The following CADM2 variants were observed in gnomAD, a reference collection of about 807,000 sequenced individuals.
CADM2 encodes cell adhesion molecule 2.
A neutral mutation model predicts 49.8 loss-of-function variants in CADM2; 12 were observed. The ratio of observed to expected loss-of-function variants is 0.24; its 90% CI spans 0.15 to 0.39. The LOEUF (loss-of-function observed/expected upper bound fraction) is 0.39, where lower values mean the gene tolerates loss of function less well. CADM2 is among the 10% of genes least tolerant of loss of function. The probability of loss-of-function intolerance (pLI) is 1.00; values close to 1 mark genes in which losing one functional copy is unlikely to be tolerated. For missense variants in CADM2, 378 were observed against 492.3 expected (o/e 0.77, Z 2.20); for synonymous variants, 214 against 175.4 (o/e 1.22, Z -1.74).
At chr3:85,802,526 A>T (rs1268654112) in intron 3 of CADM2, among the ~76,000 whole-genome samples, 1 of 152,054 alleles carries the variant, frequency 6.6e-6, no homozygotes, top group East Asian at 1.9e-4. Context: ...CTTTCTCCTG[A>T]TAATATAATA....
chr3:85,423,542 C>T (rs2107503205), intron 1 of CADM2, among the ~76,000 whole-genome samples: 1 of 152,260 alleles, frequency 6.6e-6, no homozygotes, highest in African/African-American at 2.4e-5. Flanking sequence ...AGATTCACCT[C>T]TGAAGCTATG....
At chr3:85,953,586 A>G (rs1439720939) in intron 7 of CADM2, among the ~76,000 whole-genome samples, 1 of 150,902 alleles carries the variant, frequency 6.6e-6, no homozygotes, top group Admixed American at 6.6e-5. Flanking sequence ...TAGGTGATGA[A>G]TCTTTCTGAT....
chr3:85,646,302 T>G (rs1046887808), intron 1 of CADM2, among the ~76,000 whole-genome samples: 1 of 152,000 alleles, frequency 6.6e-6, no homozygotes, highest in Non-Finnish European at 1.5e-5. Context: ...CACAATAAAT[T>G]TTTATGTTCT....
At chr3:85,911,729 A>C (rs1286555790) in intron 5 of CADM2, among the ~76,000 whole-genome samples, 1 of 152,146 alleles carries the variant, frequency 6.6e-6, no homozygotes, top group African/African-American at 2.4e-5. Context: ...AATTAAGATT[A>C]TGTTTTAGTA....
At chr3:85,590,563 G>C (rs1357879458) in intron 1 of CADM2, among the ~76,000 whole-genome samples, 1 of 151,840 alleles carries the variant, frequency 6.6e-6, no homozygotes, top group Non-Finnish European at 1.5e-5. Context: ...GTGACAGTAA[G>C]AAAATTAATT....
At chr3:85,113,822 A>T (rs937782124) in intron 1 of CADM2, among the ~76,000 whole-genome samples, 1 of 151,828 alleles carries the variant, frequency 6.6e-6, no homozygotes, top group Non-Finnish European at 1.5e-5. Context: ...TTTATAACTT[A>T]TGATAGTATA....
In CADM2 at chr3:84,994,410, G is replaced by A. The variant is rs75277443; in HGVS notation, c.61+34742G>A. Among the ~76,000 whole-genome samples, 89 of 152,106 alleles carry A rather than the reference G, an allele frequency of 5.9e-4. 1 individual carries two copies. In the East Asian group the frequency reaches 0.017, roughly 30 times the overall value. ...ATATTTATAGCAAACCTCAATATTT[G>A]CAAATCATACAGACAGCATGATTTA... On this transcript the variant is annotated intron_variant, in intron 1 of 9. Transcript: ENST00000383699.
chr3:85,233,212 C>T (rs1422885747), intron 1 of CADM2, among the ~76,000 whole-genome samples: 1 of 152,010 alleles, frequency 6.6e-6, no homozygotes, highest in Non-Finnish European at 1.5e-5. Context: ...GGTGAAAGAT[C>T]AGTAGTTGCC....
intron 8 of CADM2, among the ~76,000 whole-genome samples, chr3:86,024,965 A>G (rs1362104995): frequency 6.6e-6 from 1 of 151,384 alleles, no homozygotes; most frequent in African/African-American, 2.4e-5. Flanking sequence ...TGCACCTTCC[A>G]CCTCCCAGGC....
chr3:85,953,015 A>T (rs1392617239), intron 7 of CADM2, among the ~76,000 whole-genome samples: 1 of 150,666 alleles, frequency 6.6e-6, no homozygotes, highest in Non-Finnish European at 1.5e-5. Context: ...TTAAATGTAC[A>T]GATGTTTCCC....
chr3:85,154,621 C>T lies in CADM2; in HGVS notation c.61+194953C>T, dbSNP rs577721698. On this transcript the variant is annotated intron_variant, in intron 1 of 9. Coordinates refer to ENST00000383699, the MANE Select transcript of CADM2 (RefSeq NM_001167675.2). ...AAGATACTCCTCGAGAAGAGCAACT[C>T]CAAGACACATAATTGTCAGATTCAC... Among the ~76,000 whole-genome samples the T allele has an allele frequency of 8.3e-4, 126 of 151,244 alleles. 2 individuals carry two copies. The East Asian group carries it at 0.023, about 28-fold the overall frequency.
In CADM2 at chr3:86,030,724, A is replaced by G. The variant is rs187879112; in HGVS notation, c.971-34881A>G. Among the ~76,000 whole-genome samples the G allele has an allele frequency of 7.2e-5, 11 of 152,048 alleles. No homozygotes were observed. The East Asian group carries it at 9.7e-4, about 13-fold the overall frequency. On this transcript the variant is annotated intron_variant, in intron 8 of 9. Transcript: ENST00000383699. ...AAGGGTTGAGACCATATTTTCTTCAACTGTGAATCTAGCACAAGGTCTTGT... is the reference window on the plus strand; with the variant it reads ...AAGGGTTGAGACCATATTTTCTTCAGCTGTGAATCTAGCACAAGGTCTTGT...
intron 1 of CADM2, among the ~76,000 whole-genome samples, chr3:85,224,477 G>A (rs2042108594): frequency 6.6e-6 from 1 of 152,110 alleles, no homozygotes. Flanking sequence ...ATTTGTTTAA[G>A]TTCTTCGTAG....
At chr3:85,130,373 T>C (rs532196773) in intron 1 of CADM2, among the ~76,000 whole-genome samples, 1 of 152,224 alleles carries the variant, frequency 6.6e-6, no homozygotes, top group African/African-American at 2.4e-5. Context: ...GAAAAAAAAA[T>C]CTGATTATCA....
At position 85,014,218 on chromosome 3, in the gene CADM2, T is replaced by TTATATATA. The variant is rs1559617482; in HGVS notation, c.61+54550_61+54551insTATATATA. Among the ~76,000 whole-genome samples, 598 of 149,636 alleles carry TTATATATA rather than the reference T, an allele frequency of 4.0e-3. 10 individuals are homozygous for TTATATATA. The highest frequency in any genetic ancestry group is 0.014 in the African/African-American group (574 of 40,968). On this transcript the variant is annotated intron_variant, in intron 1 of 9. Transcript: ENST00000383699. The stretch of plus-strand genomic sequence containing the variant: ...TATATACGCAGTGTAATAATGTATA[T>TTATATATA]CATATATACGCAGTGTAATAATATT...
intron 1 of CADM2, among the ~76,000 whole-genome samples, chr3:85,368,834 T>C (rs1026284184): frequency 1.3e-5 from 2 of 152,074 alleles, no homozygotes; most frequent in Non-Finnish European, 2.9e-5. Flanking sequence ...ACACAACTAA[T>C]TGTACCCTGT....
At chr3:86,046,157 G>T (rs146958535) in intron 8 of CADM2, among the ~76,000 whole-genome samples, 2 of 152,080 alleles carry the variant, frequency 1.3e-5, no homozygotes, top group East Asian at 3.9e-4. Flanking sequence ...ATACCATAAC[G>T]TGCTGTATTT....
intron 1 of CADM2, among the ~76,000 whole-genome samples, chr3:85,372,493 A>G (rs1472984679): frequency 6.6e-6 from 1 of 151,370 alleles, no homozygotes; most frequent in Non-Finnish European, 1.5e-5. Flanking sequence ...TTATTTATAT[A>G]TTCTTTATAG....
At chr3:85,939,567 G>A (rs1179844809) in intron 7 of CADM2, among the ~76,000 whole-genome samples, 2 of 150,624 alleles carry the variant, frequency 1.3e-5, no homozygotes, top group African/African-American at 4.9e-5. Context: ...CCCCCAACAC[G>A]CTGTAAATAA....
Sources: gnomAD v4.1 joint callset for allele counts (sites outside exome capture counted in the v4.1 genomes callset) on GRCh38, gnomAD v4.1.1 for gene constraint, MANE v1.5 for transcripts, NCBI Gene and HGNC (gene_info 2026-07-23, HGNC 2026-07-21) for gene names.